PTPRD: variants seen among roughly 807,000 people sequenced by gnomAD.
The protein encoded by PTPRD is receptor-type tyrosine-protein phosphatase delta.
A neutral mutation model predicts 214.5 loss-of-function variants in PTPRD; 34 were observed. That is an observed-to-expected ratio of 0.16 (90% confidence interval 0.12 to 0.21). The LOEUF is 0.21. Among genes scored for constraint, PTPRD ranks in the 10% least tolerant of loss-of-function variants. The probability of loss-of-function intolerance (pLI) is 1.00; values close to 1 mark genes in which losing one functional copy is unlikely to be tolerated. For missense variants in PTPRD, 2,545 were observed against 2,398.7 expected (o/e 1.06, Z -1.27); for synonymous variants, 1,128 against 845.7 (o/e 1.33, Z -5.79).
chr9:10,098,796 CAA>C (rs2098521752), intron 3 of PTPRD, among the ~76,000 whole-genome samples: 1 of 151,724 alleles, frequency 6.6e-6, no homozygotes, highest in South Asian at 2.1e-4. Context: ...AGTTGAATGG[CAA>C]AGACATGCAG....
chr9:10,601,913 A>G (rs1402504001), intron 2 of PTPRD, among the ~76,000 whole-genome samples: 1 of 151,754 alleles, frequency 6.6e-6, no homozygotes, highest in Non-Finnish European at 1.5e-5. Context: ...AAGTAATCAG[A>G]AGACCTTAGG....
chr9:8,335,723 T>C (rs538768279), intron 43 of PTPRD, among the ~76,000 whole-genome samples: 2 of 152,276 alleles, frequency 1.3e-5, no homozygotes, highest in South Asian at 4.1e-4. Flanking sequence ...GCAGATGACA[T>C]GATTGTATAT....
intron 3 of PTPRD, among the ~76,000 whole-genome samples, chr9:10,156,103 T>C (rs2099091340): frequency 6.6e-6 from 1 of 151,150 alleles, no homozygotes; most frequent in Non-Finnish European, 1.5e-5. Flanking sequence ...TGTGTGTGTG[T>C]GTGTGTGTGT....
At chr9:9,428,425 G>A (rs925036843) in intron 8 of PTPRD, among the ~76,000 whole-genome samples, 1 of 152,148 alleles carries the variant, frequency 6.6e-6, no homozygotes, top group Non-Finnish European at 1.5e-5. Flanking sequence ...GACCTACAAA[G>A]AGACTTAGAC....
intron 11 of PTPRD, among the ~76,000 whole-genome samples, chr9:8,997,462 A>T (rs570067335): frequency 3.1e-4 from 47 of 152,192 alleles, no homozygotes; most frequent in African/African-American, 1.0e-3. Flanking sequence ...CTTGTTATCT[A>T]GTTGTTGTGG....
intron 2 of PTPRD, among the ~76,000 whole-genome samples, chr9:10,592,050 G>A (rs189790864): frequency 1.5e-4 from 23 of 152,184 alleles, no homozygotes; most frequent in African/African-American, 2.6e-4. Context: ...ACTTTGTTGC[G>A]CAGCAACAGA....
chr9:8,678,309 T>C (rs532361847), intron 12 of PTPRD, among the ~76,000 whole-genome samples: 1 of 152,156 alleles, frequency 6.6e-6, no homozygotes, highest in Non-Finnish European at 1.5e-5. Context: ...ATGTCAACTA[T>C]TTGACCTTTT....
At chr9:8,381,245 T>C (rs991286140) in intron 37 of PTPRD, among the ~76,000 whole-genome samples, 2 of 152,178 alleles carry the variant, frequency 1.3e-5, no homozygotes, top group Non-Finnish European at 2.9e-5. Flanking sequence ...GAAATGTTGG[T>C]ACCCTTTTGT....
Position 9,651,828 on chromosome 9 carries a change from T to TTG in PTPRD, c.-286-77048_-286-77047insCA, listed in dbSNP as rs1474786345. The stretch of plus-strand genomic sequence containing the variant: ...GCCTTTGTATTTATTCAAGGTTTGT[T>TTG]TTTTTTTTTTTTTTTTTTTTTTTTT... On this transcript the variant is annotated intron_variant, in intron 7 of 45. Transcript: ENST00000381196. Among the ~76,000 whole-genome samples the TTG allele has an allele frequency of 4.6e-5, 5 of 109,140 alleles. No homozygotes were observed. In the South Asian group the frequency reaches 1.0e-3, roughly 22 times the overall value. 71.6% of individuals were successfully genotyped at this position (109,140 alleles called of 152,430 possible).
At chr9:9,980,137 T>C (rs1016671281) in intron 4 of PTPRD, among the ~76,000 whole-genome samples, 29 of 152,238 alleles carry the variant, frequency 1.9e-4, no homozygotes, top group African/African-American at 7.0e-4. Context: ...AATTAAGCAT[T>C]CTTTTCAACA....
At chr9:10,109,699 G>A (rs1176042369) in intron 3 of PTPRD, among the ~76,000 whole-genome samples, 2 of 152,192 alleles carry the variant, frequency 1.3e-5, no homozygotes, top group Non-Finnish European at 2.9e-5. Context: ...CGGGTTGAGT[G>A]ATGGGGTGTC....
At chr9:8,554,409 G>T (rs984030843) in intron 14 of PTPRD, among the ~76,000 whole-genome samples, 1 of 151,984 alleles carries the variant, frequency 6.6e-6, no homozygotes, top group African/African-American at 2.4e-5. Flanking sequence ...TAAAAAGTAG[G>T]GAAAAAGTCC....
chr9:9,039,295 C>A (rs538635525), intron 10 of PTPRD, among the ~76,000 whole-genome samples: 1 of 152,166 alleles, frequency 6.6e-6, no homozygotes, highest in Admixed American at 6.5e-5. Context: ...ACATTGGTAG[C>A]GGAGGAATTC....
intron 9 of PTPRD, among the ~76,000 whole-genome samples, chr9:9,195,390 T>C (rs1446720263): frequency 6.6e-6 from 1 of 152,080 alleles, no homozygotes; most frequent in African/African-American, 2.4e-5. Flanking sequence ...TGATAGAAAC[T>C]GTGTTCACTA....
chr9:8,935,439 G>T (rs1326150615), intron 11 of PTPRD, among the ~76,000 whole-genome samples: 2 of 123,680 alleles, frequency 1.6e-5, no homozygotes, highest in Non-Finnish European at 3.5e-5. Context: ...AAACACTGTG[G>T]TGCCTACCTT....
At chr9:10,589,402 G>A (rs1032958512) in intron 2 of PTPRD, among the ~76,000 whole-genome samples, 1 of 151,048 alleles carries the variant, frequency 6.6e-6, no homozygotes, top group Non-Finnish European at 1.5e-5. Context: ...GATTAATCTG[G>A]GTTAAGTTTC....
chr9:8,652,067 G>T (rs540538174), intron 12 of PTPRD, among the ~76,000 whole-genome samples: 1 of 152,252 alleles, frequency 6.6e-6, no homozygotes, highest in Admixed American at 6.5e-5. Flanking sequence ...AGACAGTAAG[G>T]ACCTTTATTT....
In PTPRD at chr9:8,504,547, C is replaced by G. The variant is rs2097497290; in HGVS notation, c.1678-142G>C. 8 of 872,924 alleles carry G rather than the reference C, an allele frequency of 9.2e-6. No individual in the cohort carries two copies. In the South Asian group the frequency reaches 1.5e-4, roughly 16 times the overall value. The allele number at this position is 872,924 out of a possible 1,614,324, so 54.1% of individuals were successfully genotyped here. On this transcript the variant is annotated intron_variant, in intron 22 of 45. Coordinates refer to ENST00000381196, the MANE Select transcript of PTPRD (RefSeq NM_002839.4). ...ACCAAAAGAGTCAATAGTGAGTATC[C>G]AGGGCTATACTAAGGAAATTATATA... is the stretch of plus-strand genomic sequence containing the variant.
intron 2 of PTPRD, among the ~76,000 whole-genome samples, chr9:10,534,282 T>A (rs570092690): frequency 6.6e-6 from 1 of 151,992 alleles, no homozygotes; most frequent in Non-Finnish European, 1.5e-5. Flanking sequence ...AAACTTAAAA[T>A]ACAGCATATT....
Sources: allele counts gnomAD v4.1 joint callset (sites outside exome capture counted in the v4.1 genomes callset), GRCh38; gene constraint gnomAD v4.1.1; transcripts MANE v1.5; gene names NCBI Gene and HGNC (gene_info 2026-07-23, HGNC 2026-07-21).